Variants in PLEKHA7 observed in about 807,000 individuals in gnomAD.
PLEKHA7 encodes pleckstrin homology domain containing A7, also known as pleckstrin homology domain-containing family A member 7.
Under a neutral mutation model 170.0 loss-of-function variants are expected in PLEKHA7, and 104 were observed. The observed-to-expected ratio is 0.61, with a 90% CI of 0.52 to 0.72. The LOEUF is 0.72. Ranked by LOEUF, PLEKHA7 falls within the 30% of genes least tolerant of loss-of-function variation. PLEKHA7 has a pLI of 0.00. For missense variants in PLEKHA7, 1,615 were observed against 1,671.7 expected (o/e 0.97, Z 0.59); for synonymous variants, 648 against 660.8 (o/e 0.98, Z 0.30).
intron 3 of PLEKHA7, among the ~76,000 whole-genome samples, chr11:16,964,959 AT>A (rs1409541536): frequency 6.6e-6 from 1 of 151,880 alleles, no homozygotes; most frequent in Non-Finnish European, 1.5e-5. Context: ...ATGAGCATAC[AT>A]GTGTTGGGGC....
chr11:16,789,916 G>A lies in PLEKHA7; in HGVS notation c.3053-38C>T. 3.2e-6 allele frequency: 5 copies of A among 1,554,480 alleles called. No individual in the cohort carries two copies. The highest frequency in any genetic ancestry group is 2.2e-5 in the East Asian group (1 of 44,542). ...AGAGAAGTGCAAGCATGTTTGTGCT[G>A]GGGTGGATGGGTCCCTGCTTCTCCC... On this transcript the variant is annotated intron_variant, in intron 21 of 26. Transcript: ENST00000531066. The surrounding 1 kb of genome is among the most constrained non-coding windows in gnomAD (Gnocchi z 4.6).
intron 3 of PLEKHA7, among the ~76,000 whole-genome samples, chr11:16,973,965 C>T (rs1862887809): frequency 1.3e-5 from 2 of 152,206 alleles, no homozygotes; most frequent in South Asian, 4.1e-4. Flanking sequence ...GACCCCTCTC[C>T]CACCTTCTAC....
chr11:16,851,994 G>T (rs1231372084), intron 7 of PLEKHA7, among the ~76,000 whole-genome samples: 1 of 152,174 alleles, frequency 6.6e-6, no homozygotes, highest in Non-Finnish European at 1.5e-5. Context: ...TTCACCAGTT[G>T]CTCATCCAAC....
At chr11:16,781,492 A>G (rs1849019324) in intron 26 of PLEKHA7, among the ~76,000 whole-genome samples, 1 of 152,066 alleles carries the variant, frequency 6.6e-6, no homozygotes, top group Non-Finnish European at 1.5e-5. Context: ...GAAGCTCAAA[A>G]GCTGCTAAGA....
Position 16,817,470 on chromosome 11 carries a change from T to C in PLEKHA7, c.1344-148A>G. The C allele has an allele frequency of 1.4e-6, 1 of 722,952 alleles. No homozygotes were observed. Among genetic ancestry groups the C allele is most frequent in the Non-Finnish European group, 2.1e-6 (1 of 475,716 alleles). The allele number at this position is 722,952 out of a possible 1,614,324, so 44.8% of individuals were successfully genotyped here. On this transcript the variant is annotated intron_variant, in intron 10 of 26. Coordinates refer to ENST00000531066, the MANE Select transcript of PLEKHA7 (RefSeq NM_001329630.2). This position sits in a 1 kb window ranked among gnomAD's most constrained non-coding sequence, Gnocchi z 4.4. ...AATGATCAAGGCCGACATCCAGGAC[T>C]TCAGTCACTTCCCCTTTTGGCAGAC...
intron 9 of PLEKHA7, among the ~76,000 whole-genome samples, chr11:16,840,804 T>C (rs1200356458): frequency 6.6e-6 from 1 of 152,138 alleles, no homozygotes; most frequent in East Asian, 1.9e-4. Context: ...AGCTAGGAAG[T>C]ACCACGAATT....
intron 3 of PLEKHA7, among the ~76,000 whole-genome samples, chr11:16,873,982 A>T (rs890003496): frequency 6.6e-6 from 1 of 152,128 alleles, no homozygotes; most frequent in African/African-American, 2.4e-5. Context: ...TTTTCTAGAG[A>T]CTTATCTCCA....
Position 16,795,010 on chromosome 11 carries a change from C to T in PLEKHA7, c.2418G>A (p.Ser806=), listed in dbSNP as rs1230133266. ...TTCTCCATAGATCTTTCTGTATCTG[C>T]GATTTCTCCTGAGGAAGACGAAGTG... The part of the protein sequence containing the change: ...HRRAFFFQEK[S]QIQKDLWRIE... Residue 806 remains serine (S), a synonymous_variant, in exon 18 of 27, where the codon TCG becomes TCA. Transcript: ENST00000531066. The T allele has an allele frequency of 3.1e-6, 5 of 1,611,792 alleles. No homozygotes were observed. The highest frequency in any genetic ancestry group is 2.2e-5 in the South Asian group (2 of 91,056).
At chr11:16,884,874 AAC>A (rs1207724218) in intron 3 of PLEKHA7, among the ~76,000 whole-genome samples, 4 of 152,198 alleles carry the variant, frequency 2.6e-5, no homozygotes, top group Non-Finnish European at 4.4e-5. Flanking sequence ...TGTAAATATA[AAC>A]AGAGTGTTAT....
At chr11:16,876,677 T>G (rs1855319415) in intron 3 of PLEKHA7, among the ~76,000 whole-genome samples, 1 of 152,220 alleles carries the variant, frequency 6.6e-6, no homozygotes, top group Admixed American at 6.5e-5. Flanking sequence ...CATAGAGAAC[T>G]GGAGACTGAT....
chr11:16,832,625 CTCAT>C (rs1851206946), intron 9 of PLEKHA7, among the ~76,000 whole-genome samples: 1 of 152,172 alleles, frequency 6.6e-6, no homozygotes, highest in Non-Finnish European at 1.5e-5. Flanking sequence ...CACATTCAAT[CTCAT>C]TCAAAGACTG....
chr11:16,777,623 T>C lies in PLEKHA7; in HGVS notation c.*1375A>G, dbSNP rs1004066515. The C allele has an allele frequency of 1.3e-5, 2 of 152,250 alleles. No individual in the cohort carries two copies. Among genetic ancestry groups the C allele is most frequent in the Non-Finnish European group, 1.5e-5 (1 of 68,040 alleles). 9.4% of individuals were successfully genotyped at this position (152,250 alleles called of 1,614,324 possible). A position where few individuals can be genotyped will look rare whatever the true frequency, so the allele number is the denominator to read the frequency against. On this transcript the variant is annotated 3_prime_UTR_variant, in exon 27 of 27. Coordinates refer to ENST00000531066, the MANE Select transcript of PLEKHA7 (RefSeq NM_001329630.2). ...TTCCATTTAAACGTCATTGTTTATA[T>C]GCAGAATAATATAAGAAAACAACTT...
At chr11:16,842,454 T>C (rs931629528) in intron 8 of PLEKHA7, 6 of 152,206 alleles carry the variant, frequency 3.9e-5, no homozygotes, top group African/African-American at 1.2e-4. Flanking sequence ...TACTAGTAGC[T>C]GCAGTCCCCT....
chr11:16,969,177 A>C (rs1365994404), intron 3 of PLEKHA7, among the ~76,000 whole-genome samples: 3 of 152,092 alleles, frequency 2.0e-5, no homozygotes, highest in African/African-American at 7.2e-5. Context: ...GCCACTCCCA[A>C]ATGTCAGTTG....
chr11:16,823,081 A>T (rs1687886808), intron 10 of PLEKHA7, among the ~76,000 whole-genome samples: 1 of 152,052 alleles, frequency 6.6e-6, no homozygotes, highest in South Asian at 2.1e-4. Flanking sequence ...TGCAGCCTTG[A>T]ACTCATGGGC....
intron 24 of PLEKHA7, among the ~76,000 whole-genome samples, chr11:16,784,790 C>A (rs1849287306): frequency 6.6e-6 from 1 of 152,174 alleles, no homozygotes; most frequent in Non-Finnish European, 1.5e-5. Context: ...AAGAAATAAG[C>A]TCTTCTCTGT....
In PLEKHA7 at chr11:16,858,492, A is replaced by ATTTT. The variant is rs59399110; in HGVS notation, c.306-2582_306-2579dup. 1.4e-5 allele frequency among the ~76,000 whole-genome samples: 2 copies of ATTTT among 143,158 alleles called. 1 individual carries two copies. The highest frequency in any genetic ancestry group is 4.5e-4 in the South Asian group (2 of 4,462). The allele number at this position is 143,158 out of a possible 152,430, so 93.9% of individuals were successfully genotyped here. A position where few individuals can be genotyped will look rare whatever the true frequency, so the allele number is the denominator to read the frequency against. ...TTTTGCACCTTGCAATCTTTAACAA[A>ATTTT]TTTTTTTTTTTTTTTTTGAGACGGA... is the stretch of plus-strand genomic sequence containing the variant. On this transcript the variant is annotated intron_variant, in intron 4 of 26. Transcript: ENST00000531066.
chr11:16,820,452 G>A (rs1181086223), intron 10 of PLEKHA7, among the ~76,000 whole-genome samples: 1 of 152,108 alleles, frequency 6.6e-6, no homozygotes, highest in Non-Finnish European at 1.5e-5. Context: ...CAAGTGAGTC[G>A]GCCTGCCACT....
rs1358577947 is a variant in PLEKHA7 at position 16,851,420 on chromosome 11, C to G, written c.596-129G>C. The G allele has an allele frequency of 9.7e-6, 5 of 517,006 alleles. No homozygotes were observed. The East Asian group carries it at 1.6e-4, about 17-fold the overall frequency. The allele number at this position is 517,006 out of a possible 1,614,324, so 32.0% of individuals were successfully genotyped here. The stretch of plus-strand genomic sequence containing the variant: ...AATGTCCATCCTCCCACAACCCACA[C>G]ACAGGCAAAGCTCTACCCATTCTTT... On this transcript the variant is annotated intron_variant, in intron 7 of 26. Coordinates refer to ENST00000531066, the MANE Select transcript of PLEKHA7 (RefSeq NM_001329630.2).
Sources: gnomAD v4.1 joint callset for allele counts (sites outside exome capture counted in the v4.1 genomes callset) on GRCh38, gnomAD v4.1.1 for gene constraint, Gnocchi (gnomAD v3.1) non-coding constraint, MANE v1.5 for transcripts, NCBI Gene and HGNC (gene_info 2026-07-23, HGNC 2026-07-21) for gene names.